UBXN8: variants seen among roughly 807,000 people sequenced by gnomAD.
UBXN8 encodes UBX domain protein 8.
UBXN8 carries 27 observed loss-of-function variants against 32.1 expected under a neutral mutation model. The observed-to-expected ratio is 0.84, with a 90% confidence interval of 0.62 to 1.16. The LOEUF is 1.16. Among genes scored for constraint, UBXN8 ranks in the 50% most tolerant of loss-of-function variants. The pLI is 0.00. For missense variants in UBXN8, 306 were observed against 311.4 expected (o/e 0.98, Z 0.13); for synonymous variants, 109 against 111.8 (o/e 0.98, Z 0.16).
chr8:30,747,894 C>CTTTTTTTTTTTTTTTTTTTTTTTTTTTTT (rs67334347), intron 1 of UBXN8, among the ~76,000 whole-genome samples: 2 of 35,634 alleles, frequency 5.6e-5, no homozygotes, highest in African/African-American at 1.1e-4. Flanking sequence ...TATATTTTTT[C>CTTTTTTTTTTTTTTTTTTTTTTTTTTTTT]TTTTTTTTTT....
At chr8:30,749,384 C>T (rs954308952) in intron 1 of UBXN8, among the ~76,000 whole-genome samples, 11 of 109,034 alleles carry the variant, frequency 1.0e-4, no homozygotes, top group African/African-American at 4.3e-4. Context: ...CAGACTGAGG[C>T]TCCGTCTCAA....
intron 1 of UBXN8, among the ~76,000 whole-genome samples, chr8:30,751,125 T>A (rs1049166044): frequency 3.9e-5 from 6 of 152,336 alleles, no homozygotes; most frequent in African/African-American, 1.4e-4. Context: ...ATGACTATTA[T>A]ATGAACAAAA....
exon 1 of UBXN8, chr8:30,733,187 A>C (rs10108950): frequency 0.091 from 13,889 of 152,212 alleles, 1,861 homozygotes; most frequent in African/African-American, 0.29. Flanking sequence ...AAGGAGAGAG[A>C]TTTGCAGGGT....
intron 7 of UBXN8, among the ~76,000 whole-genome samples, chr8:30,765,546 A>ATG (rs755929973): frequency 6.6e-5 from 10 of 151,440 alleles, no homozygotes; most frequent in Non-Finnish European, 8.8e-5. Context: ...ATATATATAT[A>ATG]TGTGTGTGTG....
chr8:30,766,101 C>A, intron 7 of UBXN8, 126 bp from the exon 8 acceptor site: 2 of 888,514 alleles, frequency 2.3e-6, no homozygotes, highest in Non-Finnish European at 1.5e-6. Context: ...AGGTATGAAA[C>A]TTCTGTCTCA....
At position 30,751,484 on chromosome 8, in the gene UBXN8, T is replaced by C. The variant is rs1347727382; in HGVS notation, c.177T>C (p.Leu59=). 1 of 1,609,992 alleles carries C rather than the reference T, an allele frequency of 6.2e-7. No homozygotes were observed. The highest frequency in any genetic ancestry group is 1.7e-5 in the Admixed American group (1 of 59,494). The change falls in exon 2 of 8, where the codon CTT becomes CTC. Residue 59 remains leucine, a synonymous_variant. Transcript: ENST00000265616. ...TLTISVTTSW[L]NSFKSPQVYL... is the part of the protein sequence containing the mutation. ...CTATTTCTGTGACTACCTCATGGCT[T>C]AACTCATTTAAATCTCCCCAAGTTT...
At position 30,738,912 on chromosome 8, in the gene UBXN8, T is replaced by A. The variant is rs946808690; in HGVS notation, c.622+5604T>A. ...CAGGGGTTACAGTGAGCTGAGATTGTGCTATTGCACTCCAGCGTGGGCAAC... is the reference window on the plus strand; with the variant it reads ...CAGGGGTTACAGTGAGCTGAGATTGAGCTATTGCACTCCAGCGTGGGCAAC... On this transcript the variant is annotated intron_variant, in intron 1 of 1. Coordinates refer to the UBXN8 transcript ENST00000522968. 5.3e-5 allele frequency among the ~76,000 whole-genome samples: 8 copies of A among 150,848 alleles called. 1 individual carries two copies. The highest frequency in any genetic ancestry group is 1.2e-4 in the Non-Finnish European group (8 of 67,734).
At chr8:30,738,913 G>A (rs964432120) in intron 1 of UBXN8, among the ~76,000 whole-genome samples, 3 of 150,872 alleles carry the variant, frequency 2.0e-5, no homozygotes, top group African/African-American at 7.3e-5. Flanking sequence ...CTGAGATTGT[G>A]CTATTGCACT....
At chr8:30,738,654 CAA>C (rs536271863) in intron 1 of UBXN8, among the ~76,000 whole-genome samples, 2,849 of 75,266 alleles carry the variant, frequency 0.038, 55 homozygotes, top group African/African-American at 0.063. Flanking sequence ...GCCTCCGTCT[CAA>C]AAAAAAAAAA....
At chr8:30,764,449 C>T (rs559766292) in intron 7 of UBXN8, among the ~76,000 whole-genome samples, 1 of 152,246 alleles carries the variant, frequency 6.6e-6, no homozygotes, top group African/African-American at 2.4e-5. Context: ...GGATTACAGG[C>T]GTGACCCACC....
intron 1 of UBXN8, among the ~76,000 whole-genome samples, chr8:30,749,856 G>A (rs763279920): frequency 6.6e-6 from 1 of 151,882 alleles, no homozygotes; most frequent in East Asian, 1.9e-4. Flanking sequence ...TGCCTGCCTC[G>A]GCCTCCCAAA....
chr8:30,749,632 G>A (rs1223201268), intron 1 of UBXN8, among the ~76,000 whole-genome samples: 3 of 145,074 alleles, frequency 2.1e-5, no homozygotes, highest in African/African-American at 5.1e-5. Flanking sequence ...TTGAGACAGA[G>A]TCTCTCTCTG....
chr8:30,765,462 C>G (rs1441181831), intron 7 of UBXN8, among the ~76,000 whole-genome samples: 1 of 151,114 alleles, frequency 6.6e-6, no homozygotes, highest in Non-Finnish European at 1.5e-5. Context: ...TTTGTAGAGA[C>G]TGGGTTTCGC....
chr8:30,764,564 A>G (rs1397134725), intron 7 of UBXN8, among the ~76,000 whole-genome samples: 1 of 152,236 alleles, frequency 6.6e-6, no homozygotes. Context: ...AAAGAAACAC[A>G]TGAATATCAT....
At chr8:30,754,473 C>G (rs1805593549) in intron 3 of UBXN8, 192 bp from the exon 4 acceptor site, 2 of 688,474 alleles carry the variant, frequency 2.9e-6, no homozygotes, top group African/African-American at 1.8e-5. Flanking sequence ...AGGTCAAAAA[C>G]AAATGCCTGT....
chr8:30,760,439 A>G (rs867916511), intron 5 of UBXN8, among the ~76,000 whole-genome samples: 9 of 43,196 alleles, frequency 2.1e-4, no homozygotes, highest in African/African-American at 7.3e-4. Flanking sequence ...ATATATATAT[A>G]TATATTTTTT....
intron 7 of UBXN8, among the ~76,000 whole-genome samples, chr8:30,765,930 A>C (rs1805991002): frequency 1.3e-5 from 2 of 151,414 alleles, no homozygotes; most frequent in South Asian, 2.1e-4. Context: ...GAATCGCTTA[A>C]ACCCAGGTGG....
intron 1 of UBXN8, among the ~76,000 whole-genome samples, chr8:30,737,400 A>G (rs78519463): frequency 0.014 from 2,117 of 152,302 alleles, 25 homozygotes; most frequent in Non-Finnish European, 0.021. Context: ...AAGTGATTTA[A>G]ATGTTAATTT....
Position 30,760,927 on chromosome 8 carries a change from GAAGT to G in UBXN8, c.570+3_570+6del, listed in dbSNP as rs1563565801. On this transcript the variant is annotated splice_donor_variant and coding_sequence_variant, in exon 6 of 8. Coordinates refer to ENST00000265616, the MANE Select transcript of UBXN8 (RefSeq NM_005671.4). LOFTEE classifies it high-confidence loss of function. ...TGAAGAACCTTCTCAAACAGCAGAA[GAAGT>G]AAGTCTATTTTTCTCTTCGAAAATT... The G allele has an allele frequency of 1.1e-5, 17 of 1,529,252 alleles. No individual in the cohort carries two copies. Among genetic ancestry groups the G allele is most frequent in the Non-Finnish European group, 1.4e-5 (16 of 1,134,576 alleles). The allele number at this position is 1,529,252 out of a possible 1,614,324, so 94.7% of individuals were successfully genotyped here.
Sources: allele counts gnomAD v4.1 joint callset (sites outside exome capture counted in the v4.1 genomes callset), GRCh38; gene constraint gnomAD v4.1.1; transcripts MANE v1.5; gene names NCBI Gene and HGNC (gene_info 2026-07-23, HGNC 2026-07-21).